Variants in SYT1 observed in about 807,000 individuals in gnomAD.
The protein encoded by SYT1 is synaptotagmin 1, also known as synaptotagmin-1.
In SYT1, 8 loss-of-function variants were observed where a neutral mutation model predicts 44.8. The ratio of observed to expected loss-of-function variants is 0.18; its 90% CI spans 0.10 to 0.32. SYT1 has a LOEUF of 0.32. SYT1 is among the 10% of genes least tolerant of loss of function. The pLI is 1.00. For missense variants in SYT1, 286 were observed against 509.3 expected, an observed-to-expected ratio of 0.56 and a Z score of 4.22; for synonymous variants, 154 against 188.8, an observed-to-expected ratio of 0.82 and a Z score of 1.51.
intron 1 of SYT1, among the ~76,000 whole-genome samples, chr12:78,905,403 C>G (rs1875918315): frequency 6.6e-6 from 1 of 151,972 alleles, no homozygotes; most frequent in South Asian, 2.1e-4. Context: ...TCCAAATTAT[C>G]TAACTTGTAT....
chr12:78,866,574 G>C lies in SYT1; in HGVS notation c.-217+1465G>C, dbSNP rs569913876. Among the ~76,000 whole-genome samples the C allele has an allele frequency of 1.3e-4, 20 of 152,182 alleles. 1 individual carries two copies. In the South Asian group the frequency reaches 2.9e-3, roughly 22 times the overall value. ...CAGCAGTCTCTAATTCCATCATTGG[G>C]GATATAAGCTTTCTTTTCTTATTAT... is the stretch of plus-strand genomic sequence containing the variant. On this transcript the variant is annotated intron_variant, in intron 1 of 10. Coordinates refer to ENST00000261205, the MANE Select transcript of SYT1 (RefSeq NM_005639.3).
intron 2 of SYT1, among the ~76,000 whole-genome samples, chr12:79,040,146 G>A (rs905448226): frequency 2.6e-5 from 4 of 151,964 alleles, no homozygotes; most frequent in Admixed American, 2.6e-4. Flanking sequence ...CCAGTAATGG[G>A]ATGGCTGGGT....
At chr12:79,122,671 G>A (rs536463457) in intron 3 of SYT1, among the ~76,000 whole-genome samples, 111 of 151,438 alleles carry the variant, frequency 7.3e-4, no homozygotes, top group African/African-American at 2.6e-3. Context: ...CTGGTCAAAA[G>A]TAAGTTCCAT....
intron 3 of SYT1, among the ~76,000 whole-genome samples, chr12:79,102,019 C>G (rs1878473404): frequency 6.6e-6 from 1 of 151,976 alleles, no homozygotes; most frequent in South Asian, 2.1e-4. Context: ...TTAAAATTAC[C>G]TATTCATAAG....
chr12:79,374,166 C>T lies in SYT1; in HGVS notation c.928+20547C>T. 1.3e-5 allele frequency among the ~76,000 whole-genome samples: 2 copies of T among 152,148 alleles called. 1 individual carries two copies. The highest frequency in any genetic ancestry group is 2.9e-5 in the Non-Finnish European group (2 of 68,036). ...GGGGCACCTCTGTGATACTGTACATCAGACCTCAGTAAATTTCCAATCCTT... is the reference window on the plus strand; with the variant it reads ...GGGGCACCTCTGTGATACTGTACATTAGACCTCAGTAAATTTCCAATCCTT... On this transcript the variant is annotated intron_variant, in intron 9 of 10. Coordinates refer to ENST00000261205, the MANE Select transcript of SYT1 (RefSeq NM_005639.3).
chr12:78,894,330 GTT>G (rs566175647), intron 1 of SYT1, among the ~76,000 whole-genome samples: 16 of 27,730 alleles, frequency 5.8e-4, no homozygotes, highest in African/African-American at 6.0e-4. Context: ...TTTTTAATCT[GTT>G]TTTTTTTTTT....
In SYT1 at chr12:78,981,424, C is replaced by A. The variant is rs142686981; in HGVS notation, c.-84+3493C>A. ...TACAGGTGAGAGCCACCATGAGCAGCCTTAATTCTTTTAAAATGAATAGGT... is the reference window on the plus strand; with the variant it reads ...TACAGGTGAGAGCCACCATGAGCAGACTTAATTCTTTTAAAATGAATAGGT... On this transcript the variant is annotated intron_variant, in intron 2 of 10. Coordinates refer to ENST00000261205, the MANE Select transcript of SYT1 (RefSeq NM_005639.3). 4.5e-3 allele frequency among the ~76,000 whole-genome samples: 689 copies of A among 152,130 alleles called. 5 individuals carry two copies. Among genetic ancestry groups the A allele is most frequent in the African/African-American group, 0.015 (640 of 41,512 alleles).
intron 9 of SYT1, among the ~76,000 whole-genome samples, chr12:79,378,900 G>A (rs993790777): frequency 6.6e-6 from 1 of 152,094 alleles, no homozygotes; most frequent in Non-Finnish European, 1.5e-5. Flanking sequence ...TCAGTTACTT[G>A]CATACAGAAC....
intron 3 of SYT1, among the ~76,000 whole-genome samples, chr12:79,064,130 A>G (rs1007502214): frequency 2.0e-5 from 3 of 152,150 alleles, no homozygotes; most frequent in African/African-American, 7.2e-5. Flanking sequence ...ACCTTCTGTT[A>G]GTGCTGTGTG....
At chr12:79,080,386 C>T (rs1876949682) in intron 3 of SYT1, among the ~76,000 whole-genome samples, 1 of 151,952 alleles carries the variant, frequency 6.6e-6, no homozygotes, top group South Asian at 2.1e-4. Flanking sequence ...GATTTGGCAC[C>T]AGGCAAAACA....
intron 9 of SYT1, among the ~76,000 whole-genome samples, chr12:79,422,392 C>T (rs1869173384): frequency 6.6e-6 from 1 of 151,476 alleles, no homozygotes; most frequent in South Asian, 2.1e-4. Flanking sequence ...ATTGCCTTAG[C>T]ATGTTTGGAT....
At chr12:79,262,060 A>G (rs1877859054) in intron 4 of SYT1, among the ~76,000 whole-genome samples, 1 of 152,222 alleles carries the variant, frequency 6.6e-6, no homozygotes, top group Non-Finnish European at 1.5e-5. Context: ...TCTGATATAG[A>G]AAGGCAAAAC....
intron 1 of SYT1, among the ~76,000 whole-genome samples, chr12:78,973,930 A>T (rs1868578674): frequency 2.3e-5 from 1 of 42,564 alleles, no homozygotes; most frequent in African/African-American, 1.0e-4. Flanking sequence ...AAAAAAAAAA[A>T]AAAAAAAAAT....
chr12:78,891,907 G>A (rs1418896578), intron 1 of SYT1, among the ~76,000 whole-genome samples: 1 of 151,886 alleles, frequency 6.6e-6, no homozygotes, highest in South Asian at 2.1e-4. Context: ...GCACTGATAA[G>A]CTCAAGTGCT....
chr12:78,975,660 C>T (rs1239598929), intron 1 of SYT1, among the ~76,000 whole-genome samples: 2 of 152,136 alleles, frequency 1.3e-5, no homozygotes, highest in African/African-American at 4.8e-5. Context: ...CCTGTAAGCT[C>T]ATAATCCCAA....
At chr12:78,880,801 T>C (rs938861692) in intron 1 of SYT1, among the ~76,000 whole-genome samples, 1 of 151,810 alleles carries the variant, frequency 6.6e-6, no homozygotes, top group Non-Finnish European at 1.5e-5. Context: ...TTGTCTATTA[T>C]ACCATACTTG....
chr12:79,052,700 A>G (rs1396200304), intron 3 of SYT1, among the ~76,000 whole-genome samples: 4 of 152,216 alleles, frequency 2.6e-5, no homozygotes, highest in African/African-American at 9.6e-5. Context: ...GGTGAAGGAT[A>G]TGAACAGACG....
chr12:78,963,413 A>G (rs1225862792), intron 1 of SYT1, among the ~76,000 whole-genome samples: 1 of 152,152 alleles, frequency 6.6e-6, no homozygotes, highest in Non-Finnish European at 1.5e-5. Context: ...TTTGCAAACC[A>G]TAGATAATGA....
intron 3 of SYT1, among the ~76,000 whole-genome samples, chr12:79,170,728 CA>C (rs1281813609): frequency 1.3e-5 from 2 of 152,024 alleles, no homozygotes; most frequent in Non-Finnish European, 1.5e-5. Flanking sequence ...TCAATTTTTA[CA>C]TTTGTTGCAA....
Sources: allele counts gnomAD v4.1 joint callset (sites outside exome capture counted in the v4.1 genomes callset), GRCh38; gene constraint gnomAD v4.1.1; transcripts MANE v1.5; gene names NCBI Gene and HGNC (gene_info 2026-07-23, HGNC 2026-07-21).